The following TCF12 variants were observed in gnomAD, a reference collection of about 807,000 sequenced individuals.
TCF12 encodes transcription factor 12.
TCF12 carries 45 observed loss-of-function variants against 86.0 expected under a neutral mutation model. The observed-to-expected ratio is 0.52, with a 90% CI of 0.41 to 0.67. TCF12 has a LOEUF of 0.67. Ranked by LOEUF, TCF12 falls within the 30% of genes least tolerant of loss-of-function variation. The pLI, the probability that TCF12 is intolerant of heterozygous loss-of-function variation, is 0.00. For missense variants in TCF12, 881 were observed against 859.9 expected, an observed-to-expected ratio of 1.02 and a Z score of -0.31; for synonymous variants, 330 against 299.6, an observed-to-expected ratio of 1.10 and a Z score of -1.05.
In TCF12 at chr15:57,077,745, T is replaced by TAA. The variant is rs371836719; in HGVS notation, c.222+13922_222+13923insAA. ...CCACACCTGGCGGATCTGTAGTTTT[T>TAA]TAAAAAAAAAAAAACGTTTGCATGT... On this transcript the variant is annotated intron_variant, in intron 4 of 20. Transcript: ENST00000333725. Among the ~76,000 whole-genome samples the TAA allele has an allele frequency of 6.0e-3, 866 of 145,128 alleles. 8 individuals are homozygous for TAA. Among genetic ancestry groups the TAA allele is most frequent in the East Asian group, 0.028 (140 of 5,032 alleles).
At chr15:57,125,176 G>GA (rs2051549948) in intron 5 of TCF12, among the ~76,000 whole-genome samples, 1 of 152,150 alleles carries the variant, frequency 6.6e-6, no homozygotes, top group Non-Finnish European at 1.5e-5. Context: ...AGATCGTTAT[G>GA]AAAAATTACT....
At chr15:57,221,386 GT>G (rs1198638021) in intron 8 of TCF12, among the ~76,000 whole-genome samples, 58 of 94,410 alleles carry the variant, frequency 6.1e-4, no homozygotes, top group African/African-American at 1.4e-3. Flanking sequence ...TGTGTGGGGT[GT>G]GTGTGTGTGT....
chr15:57,098,118 G>C (rs2049466831), intron 5 of TCF12, among the ~76,000 whole-genome samples: 1 of 151,018 alleles, frequency 6.6e-6, no homozygotes, highest in South Asian at 2.1e-4. Flanking sequence ...GCAGGAGACA[G>C]AGGTTGCAGT....
chr15:57,189,158 A>T (rs115258282), intron 6 of TCF12, among the ~76,000 whole-genome samples: 1,768 of 152,320 alleles, frequency 0.012, 32 homozygotes, highest in African/African-American at 0.04. Flanking sequence ...TTCTCAGGAG[A>T]AAGTCTAGGA....
At chr15:57,025,043 C>A (rs745664656) in intron 3 of TCF12, among the ~76,000 whole-genome samples, 1 of 151,546 alleles carries the variant, frequency 6.6e-6, no homozygotes, top group Non-Finnish European at 1.5e-5. Context: ...AAATTCAAAT[C>A]TAGTCCTATG....
intron 16 of TCF12, among the ~76,000 whole-genome samples, chr15:57,257,831 T>C (rs866098178): frequency 1.3e-5 from 2 of 152,144 alleles, no homozygotes; most frequent in Non-Finnish European, 2.9e-5. Context: ...CATTAGTATT[T>C]GATACTGATA....
intron 3 of TCF12, among the ~76,000 whole-genome samples, chr15:56,998,681 CTAGA>C (rs2063848201): frequency 6.6e-6 from 1 of 152,066 alleles, no homozygotes; most frequent in Admixed American, 6.5e-5. Context: ...ACATTATCAA[CTAGA>C]TAGATCTAAT....
intron 5 of TCF12, among the ~76,000 whole-genome samples, chr15:57,158,750 C>T (rs2054295585): frequency 6.6e-6 from 1 of 152,214 alleles, no homozygotes; most frequent in African/African-American, 2.4e-5. Flanking sequence ...ACTAATCTCA[C>T]TCACACTTGG....
chr15:57,198,767 C>G (rs564870014), intron 8 of TCF12, among the ~76,000 whole-genome samples: 1 of 152,066 alleles, frequency 6.6e-6, no homozygotes, highest in Admixed American at 6.6e-5. Flanking sequence ...AGTACTTAAC[C>G]CATGGGCGCA....
At chr15:57,077,946 T>G (rs1370810264) in intron 4 of TCF12, among the ~76,000 whole-genome samples, 1 of 152,182 alleles carries the variant, frequency 6.6e-6, no homozygotes, top group Non-Finnish European at 1.5e-5. Flanking sequence ...TTGTCTCGTC[T>G]ATGAGATGGG....
intron 3 of TCF12, among the ~76,000 whole-genome samples, chr15:57,013,827 AT>A (rs1422394923): frequency 3.9e-5 from 6 of 152,186 alleles, no homozygotes; most frequent in Non-Finnish European, 8.8e-5. Context: ...ATAAGATATA[AT>A]TTGGATGTTT....
chr15:57,075,066 T>C (rs1567368314), intron 4 of TCF12, among the ~76,000 whole-genome samples: 1 of 152,242 alleles, frequency 6.6e-6, no homozygotes, highest in Non-Finnish European at 1.5e-5. Context: ...TTAAATGTCA[T>C]TTTACATCAT....
intron 8 of TCF12, among the ~76,000 whole-genome samples, chr15:57,211,938 A>C (rs1228398644): frequency 6.6e-6 from 1 of 151,682 alleles, no homozygotes; most frequent in Non-Finnish European, 1.5e-5. Flanking sequence ...TGGGCAACAA[A>C]GCAGGACTTT....
intron 12 of TCF12, among the ~76,000 whole-genome samples, chr15:57,241,651 A>G (rs1566971089): frequency 6.6e-6 from 1 of 152,202 alleles, no homozygotes; most frequent in Non-Finnish European, 1.5e-5. Flanking sequence ...AGTCAAAGGA[A>G]GGTAGACTTT....
chr15:57,274,297 A>T (rs77431520), intron 19 of TCF12, among the ~76,000 whole-genome samples: 1,763 of 152,326 alleles, frequency 0.012, 32 homozygotes, highest in African/African-American at 0.04. Context: ...ACTTTCAGAA[A>T]TATATACAGT....
intron 5 of TCF12, among the ~76,000 whole-genome samples, chr15:57,142,035 T>C (rs1378664485): frequency 6.6e-6 from 1 of 152,172 alleles, no homozygotes; most frequent in Non-Finnish European, 1.5e-5. Flanking sequence ...GCAGCACTCT[T>C]TTTGAAGCCA....
intron 5 of TCF12, among the ~76,000 whole-genome samples, chr15:57,106,936 G>A (rs1284422199): frequency 1.3e-5 from 2 of 152,092 alleles, no homozygotes; most frequent in African/African-American, 2.4e-5. Context: ...GTAACAATAC[G>A]GAGCAACAGG....
chr15:57,075,705 A>G (rs1201481805), intron 4 of TCF12, among the ~76,000 whole-genome samples: 1 of 151,982 alleles, frequency 6.6e-6, no homozygotes, highest in Admixed American at 6.6e-5. Flanking sequence ...CTCTCATTAG[A>G]CAAATGAACT....
In TCF12 at chr15:56,983,121, A is replaced by G. The variant is rs1567202746; in HGVS notation, c.148+62023A>G. On this transcript the variant is annotated intron_variant, in intron 3 of 20. Coordinates refer to ENST00000333725, the MANE Select transcript of TCF12 (RefSeq NM_207037.2). Reference sequence around the variant, plus strand: ...GAATATGGGACATTCTTAATGATTCAGAATTGCTGGCATGCCTATTTTCTG... The same window carrying G: ...GAATATGGGACATTCTTAATGATTCGGAATTGCTGGCATGCCTATTTTCTG... Among the ~76,000 whole-genome samples, 2 of 152,216 alleles carry G rather than the reference A, an allele frequency of 1.3e-5. 1 individual carries two copies. The highest frequency in any genetic ancestry group is 4.1e-4 in the South Asian group (2 of 4,826).
Sources: gnomAD v4.1 joint callset for allele counts (sites outside exome capture counted in the v4.1 genomes callset) on GRCh38, gnomAD v4.1.1 for gene constraint, MANE v1.5 for transcripts, NCBI Gene and HGNC (gene_info 2026-07-23, HGNC 2026-07-21) for gene names.